Variants in FBXO22 observed in about 807,000 individuals in gnomAD.
FBXO22 encodes the protein F-box only protein 22.
In FBXO22, 13 loss-of-function variants were observed where a neutral mutation model predicts 37.2. The observed-to-expected ratio is 0.35, with a 90% CI of 0.23 to 0.56. The LOEUF is 0.56. Ranked by LOEUF, FBXO22 falls within the 20% of genes least tolerant of loss-of-function variation. The probability of loss-of-function intolerance (pLI) is 0.87; values close to 1 mark genes in which losing one functional copy is unlikely to be tolerated. For synonymous variants in FBXO22, 189 were observed against 189.1 expected, an observed-to-expected ratio of 1.00 and a Z score of 0.00; for missense variants, 446 against 509.9, an observed-to-expected ratio of 0.87 and a Z score of 1.21.
chr15:75,904,752 T>C, intron 2 of FBXO22, 123 bp downstream of exon 2: 1 of 1,041,444 alleles, frequency 9.6e-7, no homozygotes, highest in South Asian at 1.8e-5. Flanking sequence ...GAAAAGATTT[T>C]GTAAACATCA....
At chr15:75,911,501 T>C (rs1009829366) in intron 2 of FBXO22, among the ~76,000 whole-genome samples, 2 of 152,178 alleles carry the variant, frequency 1.3e-5, no homozygotes, top group African/African-American at 4.8e-5. Context: ...GTTGTATTCT[T>C]AGGTATTTTA....
intron 2 of FBXO22, among the ~76,000 whole-genome samples, chr15:75,907,485 A>C (rs1403615038): frequency 6.6e-6 from 1 of 152,180 alleles, no homozygotes; most frequent in Non-Finnish European, 1.5e-5. Flanking sequence ...GTGAGACAAA[A>C]ACATGAAAAC....
At position 75,914,122 on chromosome 15, in the gene FBXO22, C is replaced by G. The variant is rs769695334; in HGVS notation, c.380C>G (p.Thr127Ser). Residue 127 changes from threonine to serine, a missense_variant, in exon 4 of 7, where the codon ACT becomes AGT. Thr to Ser is a moderately conservative substitution (Grantham distance 58). Transcript: ENST00000308275. Reference protein sequence around the residue: ...CRGHKRARKRTSMETALALEK... With the variant: ...CRGHKRARKRSSMETALALEK... ...TGTATTTTTACAGCAAGGAAAAGAA[C>G]TAGTATGGAAACAGCACTTGCCCTT... 6.2e-7 allele frequency: 1 copy of G among 1,611,552 alleles called. No individual in the cohort carries two copies. Among genetic ancestry groups the G allele is most frequent in the Non-Finnish European group, 8.5e-7 (1 of 1,178,552 alleles).
Position 75,904,033 on chromosome 15 carries a change from A to G in FBXO22, c.70A>G (p.Ser24Gly), listed in dbSNP as rs957212014. Residue 24 changes from serine to glycine, a missense_variant, in exon 1 of 7, where the codon AGT becomes GGT. Physicochemically the swap from Ser to Gly is moderately conservative, Grantham distance 56. Coordinates refer to ENST00000308275, the MANE Select transcript of FBXO22 (RefSeq NM_147188.3). ...AGACCCGCGGAGCACCTTCGTGTTG[A>G]GTAACCTGGCGGAGGTGGTGGAGCG... ...SVDPRSTFVL[S>G]NLAEVVERVL... is the part of the protein sequence containing the mutation. The G allele has an allele frequency of 6.4e-7, 1 of 1,571,942 alleles. No homozygotes were observed. The highest frequency in any genetic ancestry group is 8.6e-7 in the Non-Finnish European group (1 of 1,158,122).
At chr15:75,904,323 A>G in intron 1 of FBXO22, 168 bp from the exon 2 acceptor site, 3 of 1,148,206 alleles carry the variant, frequency 2.6e-6, no homozygotes, top group East Asian at 5.0e-5. Flanking sequence ...TTTTCTCCAT[A>G]TCTGGCTCTT....
In FBXO22 at chr15:75,904,013, C is replaced by G. The variant is rs1899858198; in HGVS notation, c.50C>G (p.Pro17Arg). ...CGECRGSSVD[P>R]RSTFVLSNLA... ...GAGTGCCGCGGCTCCTCCGTAGACC[C>G]GCGGAGCACCTTCGTGTTGAGTAAC... The change falls in exon 1 of 7, where the codon CCG (proline) becomes CGG (arginine). Residue 17 changes from proline to arginine, a missense_variant. Around this residue, in one of 2 missense-constraint regions of FBXO22, gnomAD observed 131 missense variants for 99.8 expected, o/e 1.31. Coordinates refer to ENST00000308275, the MANE Select transcript of FBXO22 (RefSeq NM_147188.3). The G allele has an allele frequency of 6.3e-6, 10 of 1,579,910 alleles. No individual in the cohort carries two copies. Among genetic ancestry groups the G allele is most frequent in the Admixed American group, 1.8e-5 (1 of 54,916 alleles).
At chr15:75,928,937 C>T (rs2029904455) in intron 5 of FBXO22, among the ~76,000 whole-genome samples, 1 of 152,164 alleles carries the variant, frequency 6.6e-6, no homozygotes, top group African/African-American at 2.4e-5. Context: ...CTCTCACCTG[C>T]TTCCGTGGAG....
chr15:75,912,247 C>T (rs1900074310), intron 2 of FBXO22, among the ~76,000 whole-genome samples: 2 of 151,990 alleles, frequency 1.3e-5, no homozygotes, highest in South Asian at 4.2e-4. Flanking sequence ...TATTGTGTCT[C>T]TGCCAGGTTT....
chr15:75,905,081 C>A (rs896992181), intron 2 of FBXO22, among the ~76,000 whole-genome samples: 15 of 152,184 alleles, frequency 9.9e-5, no homozygotes, highest in Non-Finnish European at 1.8e-4. Context: ...CCTCGGCCTC[C>A]CAAAGTGCTG....
chr15:75,929,816 T>C (rs1275584299), intron 5 of FBXO22, 68 bp from the exon 6 acceptor site: 3 of 1,588,294 alleles, frequency 1.9e-6, no homozygotes, highest in Non-Finnish European at 1.7e-6. Context: ...ACATTTCATT[T>C]TGCAGCATGT....
chr15:75,938,474 A>G lies in FBXO22; in HGVS notation c.*5372A>G, dbSNP rs1323171252. On this transcript the variant is annotated 3_prime_UTR_variant, in exon 7 of 7. Coordinates refer to ENST00000308275, the MANE Select transcript of FBXO22 (RefSeq NM_147188.3). ...TTGTCCTAATGAAGGACATTAAACT[A>G]GACATATACTTTAACTCAAATATGC... 6.6e-6 allele frequency: 1 copy of G among 152,238 alleles called. No homozygotes were observed. Among genetic ancestry groups the G allele is most frequent in the African/African-American group, 2.4e-5 (1 of 41,454 alleles). 9.4% of individuals were successfully genotyped at this position (152,238 alleles called of 1,614,324 possible).
chr15:75,914,289 C>A, intron 4 of FBXO22, 84 bp downstream of exon 4: 1 of 883,880 alleles, frequency 1.1e-6, no homozygotes, highest in South Asian at 1.5e-5. Context: ...TAGCTTAGAA[C>A]CACATTTCTA....
In FBXO22 at chr15:75,940,060, C is replaced by T. The variant is rs1251855206; in HGVS notation, c.*6958C>T. The T allele has an allele frequency of 2.6e-5, 4 of 151,606 alleles. No homozygotes were observed. Among genetic ancestry groups the T allele is most frequent in the Admixed American group, 1.3e-4 (2 of 15,208 alleles). The allele number at this position is 151,606 out of a possible 1,614,324, so 9.4% of individuals were successfully genotyped here. A position where few individuals can be genotyped will look rare whatever the true frequency, so the allele number is the denominator to read the frequency against. On this transcript the variant is annotated 3_prime_UTR_variant, in exon 7 of 7. Transcript: ENST00000308275. ...TAAGTTGGAAAGTAAGAAGTAAAAT[C>T]CTATATGTTCACAAATGATATGATC...
At chr15:75,904,812 A>T (rs1595909248) in intron 2 of FBXO22, among the ~76,000 whole-genome samples, 183 bp downstream of exon 2, 2 of 146,736 alleles carry the variant, frequency 1.4e-5, no homozygotes, top group Non-Finnish European at 3.0e-5. Context: ...TTGACCGTTC[A>T]TCAAATGTTG....
rs1900214369 is a variant in FBXO22 at position 75,917,376 on chromosome 15, C to T, written c.610C>T (p.His204Tyr). 6.3e-7 allele frequency: 1 copy of T among 1,588,954 alleles called. No homozygotes were observed. ...KDPKNLTLERHQLTEVGLLDN... is the reference protein window; with the variant it reads ...KDPKNLTLERYQLTEVGLLDN... The stretch of plus-strand genomic sequence containing the variant: ...TCCAAAGAATTTAACATTAGAAAGA[C>T]ATCAACTCACTGAAGTAGGTAAGTT... The change falls in exon 5 of 7, where the codon CAT (histidine) becomes TAT (tyrosine). Residue 204 changes from histidine to tyrosine, a missense_variant. Physicochemically the swap from His to Tyr is moderately conservative, Grantham distance 83. Around this residue, in one of 2 missense-constraint regions of FBXO22, gnomAD observed 315 missense variants for 410.1 expected, o/e 0.77. Transcript: ENST00000308275.
At chr15:75,915,078 C>T (rs748859664) in intron 4 of FBXO22, among the ~76,000 whole-genome samples, 3 of 152,200 alleles carry the variant, frequency 2.0e-5, no homozygotes, top group African/African-American at 7.2e-5. Flanking sequence ...AGCAATTCTC[C>T]TGCCTCAGCC....
intron 5 of FBXO22, among the ~76,000 whole-genome samples, chr15:75,928,666 G>A (rs2029889427): frequency 1.3e-5 from 2 of 151,888 alleles, no homozygotes; most frequent in Non-Finnish European, 2.9e-5. Context: ...GAAATAATCT[G>A]CACAACAAAC....
chr15:75,922,935 G>A (rs1237413158), intron 5 of FBXO22, among the ~76,000 whole-genome samples: 2 of 152,182 alleles, frequency 1.3e-5, no homozygotes, highest in African/African-American at 4.8e-5. Flanking sequence ...CAGGAGGAGC[G>A]GGATTGGGAG....
At chr15:75,922,276 G>A (rs965275236) in intron 5 of FBXO22, among the ~76,000 whole-genome samples, 4 of 152,246 alleles carry the variant, frequency 2.6e-5, no homozygotes, top group Admixed American at 6.5e-5. Context: ...CTTACTGTGC[G>A]TGTCACCACG....
Sources: gnomAD v4.1 joint callset for allele counts (sites outside exome capture counted in the v4.1 genomes callset) on GRCh38, gnomAD v4.1.1 for gene constraint, gnomAD v4.1.1 regional missense constraint, MANE v1.5 for transcripts, NCBI Gene and HGNC (gene_info 2026-07-23, HGNC 2026-07-21) for gene names.